The following ARHGAP8 variants were observed in gnomAD, a reference collection of about 807,000 sequenced individuals.
ARHGAP8 encodes the protein rho GTPase-activating protein 8.
In ARHGAP8, 62 loss-of-function variants were observed where a neutral mutation model predicts 46.1. The ratio of observed to expected loss-of-function variants is 1.34; its 90% CI spans 1.10 to 1.66. The LOEUF (loss-of-function observed/expected upper bound fraction) is 1.66, where lower values mean the gene tolerates loss of function less well. Ranked by LOEUF, ARHGAP8 falls within the 40% of genes most tolerant of loss-of-function variation. ARHGAP8 has a pLI of 0.00. For missense variants in ARHGAP8, 923 were observed against 568.4 expected, an observed-to-expected ratio of 1.62 and a Z score of -6.34; for synonymous variants, 375 against 243.1, an observed-to-expected ratio of 1.54 and a Z score of -5.05.
At chr22:44,824,429 G>A (rs1225548364) in intron 6 of ARHGAP8, among the ~76,000 whole-genome samples, 1 of 152,120 alleles carries the variant, frequency 6.6e-6, no homozygotes, top group Non-Finnish European at 1.5e-5. Flanking sequence ...ATTGTCGGGT[G>A]CCTAACCCTG....
intron 4 of ARHGAP8, among the ~76,000 whole-genome samples, chr22:44,814,394 C>G (rs570033753): frequency 7.2e-5 from 11 of 152,166 alleles, no homozygotes; most frequent in Non-Finnish European, 1.5e-4. Flanking sequence ...CAGCCACCCC[C>G]GACCCTGGTG....
chr22:44,764,953 A>G (rs1725391983), intron 1 of ARHGAP8, among the ~76,000 whole-genome samples: 1 of 152,228 alleles, frequency 6.6e-6, no homozygotes, highest in Admixed American at 6.5e-5. Flanking sequence ...TGGTGCTCAC[A>G]TTGAGTGAGG....
intron 1 of ARHGAP8, among the ~76,000 whole-genome samples, chr22:44,776,105 A>C (rs1926399076): frequency 6.6e-6 from 1 of 152,156 alleles, no homozygotes; most frequent in Non-Finnish European, 1.5e-5. Flanking sequence ...CCATCCCCTG[A>C]AGATGTCACA....
intron 1 of ARHGAP8, among the ~76,000 whole-genome samples, chr22:44,760,599 A>C (rs1166207469): frequency 6.6e-6 from 1 of 152,224 alleles, no homozygotes; most frequent in Admixed American, 6.5e-5. Context: ...TTGCCACTCA[A>C]ATTAAGTTTG....
intron 5 of ARHGAP8, among the ~76,000 whole-genome samples, chr22:44,816,168 G>GT (rs1929727145): frequency 6.6e-6 from 1 of 152,154 alleles, no homozygotes; most frequent in African/African-American, 2.4e-5. Context: ...GCCCACTCGT[G>GT]GCTCTGAGGC....
At chr22:44,771,585 G>T (rs949063051) in intron 1 of ARHGAP8, among the ~76,000 whole-genome samples, 2 of 146,172 alleles carry the variant, frequency 1.4e-5, no homozygotes, top group African/African-American at 5.1e-5. Flanking sequence ...ACAAAGTCTT[G>T]CTCTTGTCCC....
At chr22:44,788,121 T>A (rs1006979499) in intron 2 of ARHGAP8, among the ~76,000 whole-genome samples, 2 of 150,472 alleles carry the variant, frequency 1.3e-5, no homozygotes, top group African/African-American at 4.9e-5. Flanking sequence ...TATTATTATT[T>A]TATTATTGTT....
At chr22:44,794,079 G>C (rs1297193811) in intron 2 of ARHGAP8, among the ~76,000 whole-genome samples, 1 of 152,166 alleles carries the variant, frequency 6.6e-6, no homozygotes, top group African/African-American at 2.4e-5. Flanking sequence ...AGCTGCTCGC[G>C]TCAACCCACC....
intron 4 of ARHGAP8, among the ~76,000 whole-genome samples, chr22:44,813,003 C>T (rs536259910): frequency 6.6e-6 from 1 of 152,248 alleles, no homozygotes; most frequent in African/African-American, 2.4e-5. Context: ...CTCCCCCTCA[C>T]TCTTTGAGTG....
chr22:44,764,642 G>A (rs1012950222), intron 1 of ARHGAP8, among the ~76,000 whole-genome samples: 1 of 152,182 alleles, frequency 6.6e-6, no homozygotes, highest in African/African-American at 2.4e-5. Flanking sequence ...GGGCCTCTGT[G>A]TTCCTCCTTT....
At chr22:44,861,099 G>C (rs1308101475) in intron 11 of ARHGAP8, among the ~76,000 whole-genome samples, 1 of 152,112 alleles carries the variant, frequency 6.6e-6, no homozygotes, top group African/African-American at 2.4e-5. Context: ...AGCCTCCCAC[G>C]TAGCTGGGAT....
At chr22:44,846,142 A>G (rs73176172) in intron 8 of ARHGAP8, among the ~76,000 whole-genome samples, 9,954 of 152,036 alleles carry the variant, frequency 0.065, 466 homozygotes, top group Non-Finnish European at 0.1. Context: ...AGCTCTGCCC[A>G]CGGACTCAGC....
At chr22:44,774,440 T>C (rs758124984) in intron 1 of ARHGAP8, among the ~76,000 whole-genome samples, 3 of 152,202 alleles carry the variant, frequency 2.0e-5, no homozygotes, top group Non-Finnish European at 2.9e-5. Context: ...AAAAATGCCT[T>C]TATAATTAGT....
chr22:44,847,852 A>C, intron 8 of ARHGAP8, 121 bp from the exon 9 acceptor site: 1 of 1,297,988 alleles, frequency 7.7e-7, no homozygotes, highest in East Asian at 2.4e-5. Context: ...TTTGAGGAAC[A>C]AATAAATGTG....
In ARHGAP8 at chr22:44,822,548, T is replaced by C. The variant is rs1490949784; in HGVS notation, c.485+79T>C. Reference sequence around the variant, plus strand: ...AGGGCTTGGTTCAGTCCCATGAATGTTTAAGGCTTGATTTCCAAATGTGTG... The same window carrying C: ...AGGGCTTGGTTCAGTCCCATGAATGCTTAAGGCTTGATTTCCAAATGTGTG... On this transcript the variant is annotated intron_variant, in intron 6 of 11. Coordinates refer to ENST00000356099, the MANE Select transcript of ARHGAP8 (RefSeq NM_181335.3). 3 of 1,285,534 alleles carry C rather than the reference T, an allele frequency of 2.3e-6. No homozygotes were observed. The African/African-American group carries it at 4.7e-5, about 20-fold the overall frequency. 79.6% of individuals were successfully genotyped at this position (1,285,534 alleles called of 1,614,324 possible). A position where few individuals can be genotyped will look rare whatever the true frequency, so the allele number is the denominator to read the frequency against.
At chr22:44,792,701 C>A (rs922996576) in intron 2 of ARHGAP8, among the ~76,000 whole-genome samples, 1 of 152,186 alleles carries the variant, frequency 6.6e-6, no homozygotes, top group Non-Finnish European at 1.5e-5. Flanking sequence ...AACCAGACTC[C>A]TGTCAAAAGG....
At chr22:44,861,035 G>T in intron 11 of ARHGAP8, among the ~76,000 whole-genome samples, 1 of 152,248 alleles carries the variant, frequency 6.6e-6, no homozygotes, top group East Asian at 1.9e-4. Context: ...AGACAGTCTT[G>T]CTCTGTTGCC....
intron 3 of ARHGAP8, among the ~76,000 whole-genome samples, chr22:44,802,935 TGGGTGGAATTTTGAG>T (rs950332956): frequency 4.6e-5 from 7 of 152,218 alleles, no homozygotes; most frequent in Non-Finnish European, 8.8e-5. Flanking sequence ...TCTGAGGTTT[TGGGTGGAATTTTGAG>T]GGGTGGCATT....
At chr22:44,807,584 A>G (rs1569155239) in intron 3 of ARHGAP8, among the ~76,000 whole-genome samples, 2 of 152,302 alleles carry the variant, frequency 1.3e-5, no homozygotes, top group East Asian at 3.9e-4. Flanking sequence ...TGAGCAGTCA[A>G]GCATTCCTGG....
Sources: allele counts gnomAD v4.1 joint callset (sites outside exome capture counted in the v4.1 genomes callset), GRCh38; gene constraint gnomAD v4.1.1; transcripts MANE v1.5; gene names NCBI Gene and HGNC (gene_info 2026-07-23, HGNC 2026-07-21).